The following MED16 variants were observed in gnomAD, a reference collection of about 807,000 sequenced individuals.
MED16 encodes mediator of RNA polymerase II transcription subunit 16.
Under a neutral mutation model 84.4 loss-of-function variants are expected in MED16, and 81 were observed. The observed-to-expected ratio is 0.96, with a 90% CI of 0.80 to 1.15. MED16 has a LOEUF of 1.15. MED16 is among the 50% of genes most tolerant of loss of function. The probability of loss-of-function intolerance (pLI) is 0.00; values close to 1 mark genes in which losing one functional copy is unlikely to be tolerated. For synonymous variants in MED16, 897 were observed against 552.2 expected, an observed-to-expected ratio of 1.62 and a Z score of -8.76; for missense variants, 1,585 against 1,245.9, an observed-to-expected ratio of 1.27 and a Z score of -4.10.
rs761852580 is a variant in MED16, at chr19:886,221, G to A, written c.448-20C>T. On this transcript the variant is annotated intron_variant, in intron 4 of 15. Transcript: ENST00000325464. ...GCCCGACTGTGGAGAAGGGAGGGAG[G>A]GAGGAGGGGCCGCTCAGGCTCATGG... is the stretch of plus-strand genomic sequence containing the variant. The A allele has an allele frequency of 6.0e-6, 9 of 1,493,432 alleles. No individual in the cohort carries two copies. The highest frequency in any genetic ancestry group is 2.3e-5 in the Admixed American group (1 of 44,378). The allele number at this position is 1,493,432 out of a possible 1,614,324, so 92.5% of individuals were successfully genotyped here.
intron 11 of MED16, chr19:872,859 A>G: frequency 1.5e-6 from 1 of 685,390 alleles, no homozygotes; most frequent in Non-Finnish European, 1.8e-6. Context: ...AGGGCCTGGG[A>G]GGCGGGGCTT....
rs370493746 is a variant in MED16 at position 875,302 on chromosome 19, C to G, written c.1713G>C (p.Thr571=). The G allele has an allele frequency of 1.4e-5, 22 of 1,610,104 alleles. No individual in the cohort carries two copies. The highest frequency in any genetic ancestry group is 1.9e-5 in the Non-Finnish European group (22 of 1,179,332). The change falls in exon 10 of 16, where the codon ACG becomes ACC. Residue 571 remains threonine (T), a synonymous_variant. Coordinates refer to ENST00000325464, the MANE Select transcript of MED16 (RefSeq NM_005481.3). ...GCCGGTCGCCGGGGCTCTTGTCAGG[C>G]GTGTTGAGAAAGTGGGGGCGCAGCA... ...KSLLRPHFLN[T]PDKSPGDRLT...
rs1183827482 is a variant in MED16, at chr19:868,426, T to C, written c.2473A>G (p.Lys825Glu). Residue 825 changes from lysine (K) to glutamate (E), a missense_variant, in exon 15 of 16, where the codon AAG becomes GAG. Lys to Glu is a moderately conservative substitution (Grantham distance 56). Transcript: ENST00000325464. The stretch of plus-strand genomic sequence containing the variant: ...CAGAGCCCACCGCACAGGCAGTTCT[T>C]GATCCAGCGCTGCTCCCACTGCTTC... ...AVKQWEQRWI[K>E]NCLAVEGRGP... 2 of 1,610,600 alleles carry C rather than the reference T, an allele frequency of 1.2e-6. No homozygotes were observed. The highest frequency in any genetic ancestry group is 1.1e-5 in the South Asian group (1 of 91,072).
Position 884,896 on chromosome 19 carries a change from G to C in MED16, c.985+7C>G, listed in dbSNP as rs149465001. 3 of 1,600,864 alleles carry C rather than the reference G, an allele frequency of 1.9e-6. No individual in the cohort carries two copies. The highest frequency in any genetic ancestry group is 3.4e-5 in the Admixed American group (2 of 58,916). ...CCCAGGGCCTCCGCAGCCGGCGGGA[G>C]ACTCACCCACGGGGGAGATCTGCTG... is the stretch of plus-strand genomic sequence containing the variant. On this transcript the variant is annotated splice_region_variant and intron_variant, in intron 6 of 15. Transcript: ENST00000325464.
At position 889,637 on chromosome 19, in the gene MED16, C is replaced by T; in HGVS notation, c.447+1G>A. On this transcript the variant is annotated splice_donor_variant, in intron 4 of 15. Transcript: ENST00000325464. LOFTEE classifies it high-confidence loss of function. ...TCCGCTCACTCGGGCAGGACACTCACCTTCTCCACGTGCAGGGCCAGTTTC... is the reference window on the plus strand; with the variant it reads ...TCCGCTCACTCGGGCAGGACACTCATCTTCTCCACGTGCAGGGCCAGTTTC... The T allele has an allele frequency of 1.9e-6, 3 of 1,608,586 alleles. No homozygotes were observed. Among genetic ancestry groups the T allele is most frequent in the Non-Finnish European group, 1.7e-6 (2 of 1,175,816 alleles).
At chr19:875,008 C>CA (rs1158189756) in intron 10 of MED16, among the ~76,000 whole-genome samples, 1 of 146,204 alleles carries the variant, frequency 6.8e-6, no homozygotes, top group Non-Finnish European at 1.5e-5. Flanking sequence ...ACTAAAAATA[C>CA]AAAAAATCAG....
intron 4 of MED16, among the ~76,000 whole-genome samples, chr19:886,657 C>T (rs961982725): frequency 2.6e-5 from 4 of 152,258 alleles, no homozygotes; most frequent in Admixed American, 1.3e-4. Flanking sequence ...TGAGCTATAG[C>T]ACTCAGGAAG....
intron 8 of MED16, among the ~76,000 whole-genome samples, chr19:878,361 C>A (rs2036316806): frequency 1.6e-4 from 2 of 12,372 alleles, no homozygotes; most frequent in African/African-American, 3.6e-4. Context: ...GCCCACCAGC[C>A]CCAGCCCCAG....
chr19:877,296 G>C (rs941930057), intron 8 of MED16, 116 bp from the exon 9 acceptor site: 157 of 713,904 alleles, frequency 2.2e-4, no homozygotes, highest in Non-Finnish European at 3.0e-4. Context: ...GCGCACGCCC[G>C]TGTGTGGGCC....
At chr19:872,330 C>T (rs577232311) in intron 11 of MED16, among the ~76,000 whole-genome samples, 18 of 152,122 alleles carry the variant, frequency 1.2e-4, no homozygotes, top group Admixed American at 1.1e-3. Context: ...GCCCCATTTG[C>T]AGAGTCGTCC....
chr19:889,936 G>T, intron 3 of MED16, 129 bp from the exon 4 acceptor site: 2 of 1,077,954 alleles, frequency 1.9e-6, no homozygotes, highest in Non-Finnish European at 2.6e-6. Flanking sequence ...ACAGCAGGTG[G>T]CACAAGGCGC....
At chr19:869,039 T>C in intron 13 of MED16, 93 bp from the exon 14 acceptor site, 9 of 1,118,816 alleles carry the variant, frequency 8.0e-6, no homozygotes, top group Non-Finnish European at 9.9e-6. Flanking sequence ...GTGGAGGGAA[T>C]GGCCGGCCTC....
At chr19:879,377 G>A (rs1444736396) in intron 8 of MED16, among the ~76,000 whole-genome samples, 21 of 126,698 alleles carry the variant, frequency 1.7e-4, no homozygotes, top group East Asian at 4.7e-4. Flanking sequence ...ACCAGCCCCA[G>A]CCGCACATGC....
chr19:888,438 C>T (rs1400024143), intron 4 of MED16, among the ~76,000 whole-genome samples: 1 of 150,404 alleles, frequency 6.6e-6, no homozygotes, highest in African/African-American at 2.5e-5. Context: ...GCAGGAGAAT[C>T]GCTTGAACCC....
intron 13 of MED16, among the ~76,000 whole-genome samples, chr19:869,985 C>G (rs1389070270): frequency 6.6e-6 from 1 of 152,222 alleles, no homozygotes; most frequent in Non-Finnish European, 1.5e-5. Context: ...TCCCACCTCA[C>G]AGGGCTGCTG....
At chr19:875,834 C>G (rs2036217534) in intron 9 of MED16, among the ~76,000 whole-genome samples, 1 of 152,162 alleles carries the variant, frequency 6.6e-6, no homozygotes, top group Non-Finnish European at 1.5e-5. Context: ...CGGGGAGACC[C>G]TGGTCTAGAG....
Position 885,006 on chromosome 19 carries a change from C to T in MED16, c.882G>A (p.Val294=). 1 of 1,596,370 alleles carries T rather than the reference C, an allele frequency of 6.3e-7. No individual in the cohort carries two copies. ...KFLARDMSEQ[V]LLCASSQTSS... is the part of the protein sequence containing the mutation. ...TGGTCTGGCTGGACGCGCACAAAAG[C>T]ACCTGCGGGGGAGGTGGGGGTGAGG... is the stretch of plus-strand genomic sequence containing the variant. The change falls in exon 6 of 16, where the codon GTG becomes GTA. Residue 294 remains valine, a splice_region_variant and synonymous_variant. Coordinates refer to ENST00000325464, the MANE Select transcript of MED16 (RefSeq NM_005481.3).
chr19:884,432 G>C (rs116591089), intron 6 of MED16, among the ~76,000 whole-genome samples: 1 of 152,066 alleles, frequency 6.6e-6, no homozygotes, highest in Admixed American at 6.6e-5. Flanking sequence ...GTGGGGTGGG[G>C]GGCGTGTTCT....
intron 6 of MED16, among the ~76,000 whole-genome samples, chr19:883,017 C>T (rs1228035173): frequency 2.6e-5 from 4 of 152,214 alleles, no homozygotes; most frequent in South Asian, 2.1e-4. Flanking sequence ...GGAAACTCAA[C>T]GCCCCAGCGC....
Sources: gnomAD v4.1 joint callset for allele counts (sites outside exome capture counted in the v4.1 genomes callset) on GRCh38, gnomAD v4.1.1 for gene constraint, MANE v1.5 for transcripts, NCBI Gene and HGNC (gene_info 2026-07-23, HGNC 2026-07-21) for gene names.